FBF1: variants seen among roughly 807,000 people sequenced by gnomAD.
FBF1 encodes Fas binding factor 1, also known as fas-binding factor 1.
In FBF1, 119 loss-of-function variants were observed where a neutral mutation model predicts 147.2. The observed-to-expected ratio is 0.81, with a 90% CI of 0.70 to 0.94. The LOEUF is 0.94. Ranked by LOEUF, FBF1 falls within the 40% of genes least tolerant of loss-of-function variation. The probability of loss-of-function intolerance (pLI) is 0.00; values close to 1 mark genes in which losing one functional copy is unlikely to be tolerated. For synonymous variants in FBF1, 601 were observed against 609.0 expected (o/e 0.99, Z 0.19); for missense variants, 1,449 against 1,500.8 (o/e 0.97, Z 0.57).
Position 75,924,101 on chromosome 17 carries a change from C to A in FBF1, c.969-460G>T, listed in dbSNP as rs572885643. On this transcript the variant is annotated intron_variant, in intron 13 of 29. Transcript: ENST00000636174. ...TGGTGGTGGGCGCCTGTAATCCCAG[C>A]TACTTGGGAGGCTGAGGCATGAGAA... Among the ~76,000 whole-genome samples the A allele has an allele frequency of 5.9e-5, 9 of 152,082 alleles. No homozygotes were observed. In the South Asian group the frequency reaches 6.2e-4, roughly 11 times the overall value.
At chr17:75,917,363 A>C (rs2065494558) in intron 23 of FBF1, among the ~76,000 whole-genome samples, 1 of 152,254 alleles carries the variant, frequency 6.6e-6, no homozygotes, top group Non-Finnish European at 1.5e-5. Flanking sequence ...GATGACATTT[A>C]ATGGGCAAGA....
Position 75,925,981 on chromosome 17 carries a change from T to C in FBF1, c.868+49A>G. The C allele has an allele frequency of 6.4e-7, 1 of 1,551,146 alleles. No homozygotes were observed. Among genetic ancestry groups the C allele is most frequent in the South Asian group, 1.2e-5 (1 of 82,206 alleles). ...ATTATAGGTTGTGATGAAAGCCTGA[T>C]CTAGAGGCCTCCCTCCCGTCCTGTT... On this transcript the variant is annotated intron_variant, in intron 12 of 29. Transcript: ENST00000636174. This position sits in a 1 kb window ranked among gnomAD's most constrained non-coding sequence, Gnocchi z 5.0.
intron 4 of FBF1, among the ~76,000 whole-genome samples, chr17:75,934,001 C>T (rs898387704): frequency 6.6e-6 from 1 of 152,124 alleles, no homozygotes; most frequent in African/African-American, 2.4e-5. Context: ...GCAGTCTCCT[C>T]AAAAAGTTAA....
chr17:75,912,290 G>C lies in FBF1; in HGVS notation c.3265C>G (p.Pro1089Ala), dbSNP rs1264130888. 1 of 1,602,924 alleles carries C rather than the reference G, an allele frequency of 6.2e-7. No individual in the cohort carries two copies. The highest frequency in any genetic ancestry group is 8.5e-7 in the Non-Finnish European group (1 of 1,175,064). ...GGCTGGCTGCACCAACGGGTGGTGGGAGCAGGAGGCATGAGGGCTGAAAAG... is the reference window on the plus strand; with the variant it reads ...GGCTGGCTGCACCAACGGGTGGTGGCAGCAGGAGGCATGAGGGCTGAAAAG... ...SSQSALMPPAPTTRWCSQPPT... is the reference protein window; with the variant it reads ...SSQSALMPPAATTRWCSQPPT... Residue 1089 changes from proline to alanine, a missense_variant, in exon 29 of 30, where the codon CCC becomes GCC. By Grantham distance (27) the Pro-to-Ala change is conservative (BLOSUM62 -1). Transcript: ENST00000636174.
chr17:75,911,179 C>T (rs181491312), intron 29 of FBF1, among the ~76,000 whole-genome samples: 63 of 152,154 alleles, frequency 4.1e-4, no homozygotes, highest in Non-Finnish European at 3.1e-4. Flanking sequence ...CTAGCTAATC[C>T]GCAGGCCAAG....
rs1205688979 is a variant in FBF1 at position 75,922,062 on chromosome 17, G to A, written c.1425-16C>T. 23 of 1,550,108 alleles carry A rather than the reference G, an allele frequency of 1.5e-5. No homozygotes were observed. The highest frequency in any genetic ancestry group is 9.8e-5 in the East Asian group (4 of 40,922). ...GAGAGGTTGGCTGAGGAAAGGCAGC[G>A]TTCAAGGTGAAGGTGACAGAAGGCC... On this transcript the variant is annotated splice_polypyrimidine_tract_variant and intron_variant, in intron 14 of 29. Coordinates refer to ENST00000636174, the MANE Select transcript of FBF1 (RefSeq NM_001319193.2). The surrounding 1 kb of genome is among the most constrained non-coding windows in gnomAD (Gnocchi z 5.0).
rs544229396 is a variant in FBF1 at position 75,919,159 on chromosome 17, G to T, written c.2138+509C>A. On this transcript the variant is annotated intron_variant, in intron 20 of 29. Transcript: ENST00000636174. This position sits in a 1 kb window ranked among gnomAD's most constrained non-coding sequence, Gnocchi z 5.0. ...TGGCCTCAAGTGATCCTCCCACCTC[G>T]GCCTCCCAAAGTGCTGGGATTACAG... Among the ~76,000 whole-genome samples, 3 of 152,186 alleles carry T rather than the reference G, an allele frequency of 2.0e-5. No homozygotes were observed. The highest frequency in any genetic ancestry group is 7.2e-5 in the African/African-American group (3 of 41,520).
At chr17:75,916,803 C>A (rs1198599697) in intron 23 of FBF1, among the ~76,000 whole-genome samples, 1 of 152,230 alleles carries the variant, frequency 6.6e-6, no homozygotes, top group East Asian at 1.9e-4. Flanking sequence ...GCAGGGACTG[C>A]AGGTGTGCAC....
rs755287020 is a variant in FBF1 at position 75,928,989 on chromosome 17, C to CTT, written c.280-798_280-797dup. On this transcript the variant is annotated intron_variant, in intron 7 of 29. Coordinates refer to ENST00000636174, the MANE Select transcript of FBF1 (RefSeq NM_001319193.2). The surrounding 1 kb of genome is among the most constrained non-coding windows in gnomAD (Gnocchi z 4.2). The stretch of plus-strand genomic sequence containing the variant: ...TACAGGAGTAAGCCACCATGCCAGA[C>CTT]TTTTTTTTTTTTTTTGAAGACAGAG... Among the ~76,000 whole-genome samples, 760 of 136,086 alleles carry CTT rather than the reference C, an allele frequency of 5.6e-3. 11 individuals carry two copies. The highest frequency in any genetic ancestry group is 0.02 in the African/African-American group (733 of 36,984). 89.3% of individuals were successfully genotyped at this position (136,086 alleles called of 152,430 possible). A position where few individuals can be genotyped will look rare whatever the true frequency, so the allele number is the denominator to read the frequency against.
Position 75,933,101 on chromosome 17 carries a change from A to G in FBF1, c.74-13T>C, listed in dbSNP as rs2065604362. On this transcript the variant is annotated splice_polypyrimidine_tract_variant and intron_variant, in intron 4 of 29. Coordinates refer to ENST00000636174, the MANE Select transcript of FBF1 (RefSeq NM_001319193.2). ...TCAGGTAGTGTCACTGGAAAAAAAGAAAAGAGAAAACGTGTCATTTAACTA... is the reference window on the plus strand; with the variant it reads ...TCAGGTAGTGTCACTGGAAAAAAAGGAAAGAGAAAACGTGTCATTTAACTA... 1.9e-6 allele frequency: 3 copies of G among 1,590,546 alleles called. No homozygotes were observed. The highest frequency in any genetic ancestry group is 1.1e-5 in the South Asian group (1 of 89,404).
In FBF1 at chr17:75,915,123, G is replaced by A. The variant is rs370865317; in HGVS notation, c.2522C>T (p.Thr841Ile). The change falls in exon 24 of 30, where the codon ACT becomes ATT. Residue 841 changes from threonine to isoleucine, a missense_variant. Transcript: ENST00000636174. ...GGACTCCGCCTTGGACTGCTCGGCA[G>A]TCACCCGCCAGCGTTCCTGTAGGGC... is the stretch of plus-strand genomic sequence containing the variant. ...RLLEQERWRV[T>I]AEQSKAESMQ... The A allele has an allele frequency of 3.7e-6, 6 of 1,608,156 alleles. No homozygotes were observed. The highest frequency in any genetic ancestry group is 5.1e-6 in the Non-Finnish European group (6 of 1,178,982).
chr17:75,928,518 T>A lies in FBF1; in HGVS notation c.280-325A>T, dbSNP rs992998295. Among the ~76,000 whole-genome samples the A allele has an allele frequency of 3.0e-4, 45 of 152,132 alleles. No homozygotes were observed. The highest frequency in any genetic ancestry group is 1.1e-3 in the African/African-American group (44 of 41,496). ...AAAAGCTTTCTTTTTTTTCTTTTTT[T>A]AGACAGGATATTGGCCGGGCGCGGT... On this transcript the variant is annotated intron_variant, in intron 7 of 29. Coordinates refer to ENST00000636174, the MANE Select transcript of FBF1 (RefSeq NM_001319193.2). The surrounding 1 kb of genome is among the most constrained non-coding windows in gnomAD (Gnocchi z 4.2).
intron 8 of FBF1, among the ~76,000 whole-genome samples, 175 bp downstream of exon 8, chr17:75,927,901 C>T (rs184073703): frequency 1.8e-4 from 28 of 152,304 alleles, no homozygotes; most frequent in African/African-American, 5.5e-4. Context: ...CCCCTTACCC[C>T]ACCACACACA....
intron 28 of FBF1, chr17:75,913,485 G>A: frequency 2.1e-6 from 1 of 468,474 alleles, no homozygotes; most frequent in Non-Finnish European, 3.7e-6. Context: ...TTTTTCCTGA[G>A]TCCAGAGTTA....
chr17:75,923,102 G>A lies in FBF1; in HGVS notation c.1424+84C>T. 1 of 1,334,768 alleles carries A rather than the reference G, an allele frequency of 7.5e-7. No individual in the cohort carries two copies. 82.7% of individuals were successfully genotyped at this position (1,334,768 alleles called of 1,614,324 possible). A position where few individuals can be genotyped will look rare whatever the true frequency, so the allele number is the denominator to read the frequency against. ...CCTTGTTCCCCAACTGCTGACTGAGGCTGCAACAGGTGAAGGGGCAAAGGG... is the reference window on the plus strand; with the variant it reads ...CCTTGTTCCCCAACTGCTGACTGAGACTGCAACAGGTGAAGGGGCAAAGGG... On this transcript the variant is annotated intron_variant, in intron 14 of 29. Transcript: ENST00000636174. This position sits in a 1 kb window ranked among gnomAD's most constrained non-coding sequence, Gnocchi z 4.1.
chr17:75,931,369 G>T, intron 5 of FBF1, 80 bp from the exon 6 acceptor site: 1 of 1,311,104 alleles, frequency 7.6e-7, no homozygotes, highest in Non-Finnish European at 1.1e-6. Context: ...AGCTTAGAAA[G>T]CCCAAGGAAT....
Position 75,919,926 on chromosome 17 carries a change from T to C in FBF1, c.1932-52A>G. 1.2e-6 allele frequency: 2 copies of C among 1,612,082 alleles called. No homozygotes were observed. The highest frequency in any genetic ancestry group is 1.7e-6 in the Non-Finnish European group (2 of 1,178,748). The stretch of plus-strand genomic sequence containing the variant: ...GCAAGGAAGGCAGAGGGCTGCCGCC[T>C]AAAGGCCTCTCCAGGCACACTGGGT... On this transcript the variant is annotated intron_variant, in intron 19 of 29. Coordinates refer to ENST00000636174, the MANE Select transcript of FBF1 (RefSeq NM_001319193.2). The surrounding 1 kb of genome is among the most constrained non-coding windows in gnomAD (Gnocchi z 5.0).
chr17:75,923,095 G>A lies in FBF1; in HGVS notation c.1424+91C>T. On this transcript the variant is annotated intron_variant, in intron 14 of 29. Transcript: ENST00000636174. This position sits in a 1 kb window ranked among gnomAD's most constrained non-coding sequence, Gnocchi z 4.1. ...CGCCCTGCCTTGTTCCCCAACTGCT[G>A]ACTGAGGCTGCAACAGGTGAAGGGG... The A allele has an allele frequency of 2.3e-6, 3 of 1,301,494 alleles. No individual in the cohort carries two copies. The highest frequency in any genetic ancestry group is 5.1e-5 in the East Asian group (2 of 39,406). 80.6% of individuals were successfully genotyped at this position (1,301,494 alleles called of 1,614,324 possible).
intron 17 of FBF1, 88 bp downstream of exon 17, chr17:75,921,156 G>A: frequency 3.0e-6 from 4 of 1,345,598 alleles, no homozygotes; most frequent in Non-Finnish European, 4.1e-6. Flanking sequence ...TTCCTGGCAG[G>A]TCGTCAGGTC....
Sources: gnomAD v4.1 joint callset for allele counts (sites outside exome capture counted in the v4.1 genomes callset) on GRCh38, gnomAD v4.1.1 for gene constraint, Gnocchi (gnomAD v3.1) non-coding constraint, MANE v1.5 for transcripts, NCBI Gene and HGNC (gene_info 2026-07-23, HGNC 2026-07-21) for gene names.